NCAM1: variants seen among roughly 807,000 people sequenced by gnomAD.
NCAM1 encodes neural cell adhesion molecule 1, also known as antigen recognized by monoclonal antibody 5.1H11.
A neutral mutation model predicts 109.8 loss-of-function variants in NCAM1; 14 were observed. That is an observed-to-expected ratio of 0.13 (90% confidence interval 0.08 to 0.20). The LOEUF (loss-of-function observed/expected upper bound fraction) is 0.20. NCAM1 is among the 10% of genes least tolerant of loss of function. The pLI is 1.00. For missense variants in NCAM1, 774 were observed against 1,109.9 expected (o/e 0.70, Z 4.30); for synonymous variants, 418 against 442.9 (o/e 0.94, Z 0.70).
chr11:113,103,558 T>C (rs1939975645), intron 1 of NCAM1, among the ~76,000 whole-genome samples: 1 of 152,160 alleles, frequency 6.6e-6, no homozygotes, highest in Admixed American at 6.5e-5. Flanking sequence ...CTACGTTACC[T>C]GCCTCCACAC....
chr11:113,102,170 T>A (rs1939906410), intron 1 of NCAM1, among the ~76,000 whole-genome samples: 2 of 152,216 alleles, frequency 1.3e-5, no homozygotes, highest in Admixed American at 6.5e-5. Context: ...CTGAAAAAGT[T>A]CTTTAGGATT....
intron 1 of NCAM1, among the ~76,000 whole-genome samples, chr11:113,098,942 C>T (rs1367119587): frequency 2.6e-5 from 4 of 152,154 alleles, no homozygotes; most frequent in Non-Finnish European, 5.9e-5. Context: ...TGAACAGGAT[C>T]ATTGTTTACA....
rs1950566632 is a variant in NCAM1 at position 112,961,672 on chromosome 11, T to C, written c.52+8T>C. On this transcript the variant is annotated splice_region_variant and intron_variant, in intron 1 of 19. Coordinates refer to ENST00000316851, the MANE Select transcript of NCAM1 (RefSeq NM_181351.5). Reference sequence around the variant, plus strand: ...TTTTCCTGGGAACTGCAGGTACATTTTTTTTTTTTTTAATTCTCAATCTGG... The same window carrying C: ...TTTTCCTGGGAACTGCAGGTACATTCTTTTTTTTTTTAATTCTCAATCTGG... 7.1e-7 allele frequency: 1 copy of C among 1,413,182 alleles called. No individual in the cohort carries two copies. Among genetic ancestry groups the C allele is most frequent in the Non-Finnish European group, 9.8e-7 (1 of 1,017,354 alleles). The allele number at this position is 1,413,182 out of a possible 1,614,324, so 87.5% of individuals were successfully genotyped here.
chr11:113,041,826 C>T (rs1251182119), intron 1 of NCAM1, among the ~76,000 whole-genome samples: 3 of 152,184 alleles, frequency 2.0e-5, no homozygotes, highest in African/African-American at 7.2e-5. Flanking sequence ...CCTCCCCACT[C>T]TTCCCCAGAA....
At chr11:113,262,707 C>T (rs1020183935) in intron 17 of NCAM1, 2 of 904,906 alleles carry the variant, frequency 2.2e-6, no homozygotes, top group Admixed American at 5.6e-5. Flanking sequence ...TCTCTACCTT[C>T]CCTTTCCTTC....
chr11:113,151,117 C>G (rs541732060), intron 1 of NCAM1, among the ~76,000 whole-genome samples: 1 of 152,138 alleles, frequency 6.6e-6, no homozygotes. Flanking sequence ...TCATGAGCCA[C>G]GTTGACATTC....
intron 1 of NCAM1, among the ~76,000 whole-genome samples, chr11:112,978,019 G>A (rs2134634946): frequency 6.6e-6 from 1 of 151,974 alleles, no homozygotes; most frequent in South Asian, 2.1e-4. Context: ...TTTGGCCACT[G>A]CATTGCATGT....
intron 1 of NCAM1, among the ~76,000 whole-genome samples, chr11:113,095,149 G>C (rs1939534851): frequency 6.6e-6 from 1 of 152,128 alleles, no homozygotes; most frequent in South Asian, 2.1e-4. Flanking sequence ...TTTGTAAAGA[G>C]AATATGATTG....
At chr11:113,112,693 C>T (rs1215724708) in intron 1 of NCAM1, among the ~76,000 whole-genome samples, 3 of 152,172 alleles carry the variant, frequency 2.0e-5, no homozygotes, top group East Asian at 1.9e-4. Context: ...TCTTGCTGAA[C>T]GTGGCCAGCC....
At position 113,025,798 on chromosome 11, in the gene NCAM1, A is replaced by T. The variant is rs1209878793; in HGVS notation, c.52+64134A>T. On this transcript the variant is annotated intron_variant, in intron 1 of 19. Transcript: ENST00000316851. ...GGAGCCGAGAGAGAGAGAGAGAGAG[A>T]GAGAGAGAGAGAGAGAGAGAGAGAG... Among the ~76,000 whole-genome samples the T allele has an allele frequency of 1.8e-4, 14 of 79,910 alleles. No homozygotes were observed. In the East Asian group the frequency reaches 5.4e-3, roughly 31 times the overall value. 52.4% of individuals were successfully genotyped at this position (79,910 alleles called of 152,430 possible). A position where few individuals can be genotyped will look rare whatever the true frequency, so the allele number is the denominator to read the frequency against.
chr11:113,009,013 C>T, intron 1 of NCAM1, among the ~76,000 whole-genome samples: 1 of 152,150 alleles, frequency 6.6e-6, no homozygotes, highest in East Asian at 1.9e-4. Context: ...AGGGGTGTCA[C>T]AGCGGGAGAG....
rs529585865 is a variant in NCAM1 at position 112,985,206 on chromosome 11, T to A, written c.52+23542T>A. Among the ~76,000 whole-genome samples the A allele has an allele frequency of 3.6e-4, 55 of 151,796 alleles. No individual in the cohort carries two copies. The Middle Eastern group carries it at 0.02, about 56-fold the overall frequency. ...ATAATGCATGTAATGCCACATATCC[T>A]TGGGTTTATTTCTGGATTCTCTGTC... On this transcript the variant is annotated intron_variant, in intron 1 of 19. Coordinates refer to ENST00000316851, the MANE Select transcript of NCAM1 (RefSeq NM_181351.5).
chr11:113,185,238 G>C (rs1943474099), intron 1 of NCAM1, among the ~76,000 whole-genome samples: 1 of 151,926 alleles, frequency 6.6e-6, no homozygotes, highest in Admixed American at 6.6e-5. Context: ...AACCAAGAGA[G>C]CAGATGGTGT....
At chr11:112,975,958 A>G (rs1334890154) in intron 1 of NCAM1, among the ~76,000 whole-genome samples, 4 of 151,976 alleles carry the variant, frequency 2.6e-5, no homozygotes, top group Non-Finnish European at 5.9e-5. Flanking sequence ...TAAATAGGAA[A>G]CCAGAAAAAT....
intron 1 of NCAM1, among the ~76,000 whole-genome samples, chr11:113,065,080 A>C (rs1555083991): frequency 1.3e-5 from 2 of 152,188 alleles, no homozygotes; most frequent in Non-Finnish European, 2.9e-5. Flanking sequence ...GAAATAAGGA[A>C]GTGCTACAAA....
chr11:113,070,836 A>G (rs143383721), intron 1 of NCAM1, among the ~76,000 whole-genome samples: 1 of 152,278 alleles, frequency 6.6e-6, no homozygotes, highest in African/African-American at 2.4e-5. Flanking sequence ...AAGGTGGTAA[A>G]AATTTGGATA....
chr11:113,196,125 T>TA (rs1943849036), intron 1 of NCAM1, among the ~76,000 whole-genome samples: 1 of 152,208 alleles, frequency 6.6e-6, no homozygotes, highest in South Asian at 2.1e-4. Flanking sequence ...CTTAGTTTAC[T>TA]AACTGTCAGA....
intron 1 of NCAM1, among the ~76,000 whole-genome samples, chr11:113,037,353 G>A (rs1201640433): frequency 1.3e-5 from 2 of 152,170 alleles, no homozygotes. Flanking sequence ...CTCTTTTCCT[G>A]CCCAGGCAGC....
chr11:113,011,964 TTTCCTTCC>T (rs200929273), intron 1 of NCAM1, among the ~76,000 whole-genome samples: 3,253 of 114,038 alleles, frequency 0.029, 84 homozygotes, highest in East Asian at 0.1. Flanking sequence ...CCTTCTCTCC[TTTCCTTCC>T]TTCCTTCCTT....
Sources: gnomAD v4.1 joint callset for allele counts (sites outside exome capture counted in the v4.1 genomes callset) on GRCh38, gnomAD v4.1.1 for gene constraint, MANE v1.5 for transcripts, NCBI Gene and HGNC (gene_info 2026-07-23, HGNC 2026-07-21) for gene names.